RUVBL1: variants seen among roughly 807,000 people sequenced by gnomAD.
RUVBL1 encodes the protein RuvB like AAA ATPase 1.
Under a neutral mutation model 52.4 loss-of-function variants are expected in RUVBL1, and 4 were observed. The observed-to-expected ratio is 0.08, with a 90% CI of 0.04 to 0.17. The LOEUF is 0.17. Ranked by LOEUF, RUVBL1 falls within the 10% of genes least tolerant of loss-of-function variation. The probability of loss-of-function intolerance (pLI) is 1.00; values close to 1 mark genes in which losing one functional copy is unlikely to be tolerated. For missense variants in RUVBL1, 298 were observed against 572.8 expected (o/e 0.52, Z 4.90); for synonymous variants, 217 against 214.4 (o/e 1.01, Z -0.10).
chr3:128,115,741 A>T (rs1016700411), intron 2 of RUVBL1, among the ~76,000 whole-genome samples: 1 of 152,258 alleles, frequency 6.6e-6, no homozygotes, highest in African/African-American at 2.4e-5. Flanking sequence ...AAATAATAAC[A>T]TTCAGAGCAG....
chr3:128,119,111 A>G (rs745791679), intron 2 of RUVBL1, among the ~76,000 whole-genome samples: 1 of 152,220 alleles, frequency 6.6e-6, no homozygotes, highest in Admixed American at 6.5e-5. Flanking sequence ...GACCCCTTCA[A>G]GGACTTCATT....
At chr3:128,065,980 G>A (rs892886999) in intron 9 of RUVBL1, among the ~76,000 whole-genome samples, 3 of 151,888 alleles carry the variant, frequency 2.0e-5, no homozygotes, top group African/African-American at 4.8e-5. Context: ...CTGACCTCGT[G>A]ATCCGCCCGC....
chr3:128,128,043 CATACATACATAA>C (rs1198812616), upstream of RUVBL1, among the ~76,000 whole-genome samples: 55 of 151,792 alleles, frequency 3.6e-4, no homozygotes, highest in African/African-American at 1.2e-3. Context: ...TACATACATA[CATACATACATAA>C]ATACATAAAC....
Position 128,152,854 on chromosome 3 carries a change from G to C in RUVBL1, c.-40+349C>G, listed in dbSNP as rs1344765891. ...CCTGAGAGGGTTGCTGCTGCTGGCG[G>C]GGGTGGCCAGCTTTTATTCCCTTAT... On this transcript the variant is annotated intron_variant, in intron 1 of 9. Transcript: ENST00000464873. 2.8e-5 allele frequency among the ~76,000 whole-genome samples: 3 copies of C among 107,706 alleles called. No individual in the cohort carries two copies. The East Asian group carries it at 8.4e-4, about 30-fold the overall frequency. The allele number at this position is 107,706 out of a possible 152,430, so 70.7% of individuals were successfully genotyped here. A position where few individuals can be genotyped will look rare whatever the true frequency, so the allele number is the denominator to read the frequency against.
At chr3:128,075,607 T>TG (rs1942292459) in intron 9 of RUVBL1, among the ~76,000 whole-genome samples, 1 of 151,752 alleles carries the variant, frequency 6.6e-6, no homozygotes, top group Non-Finnish European at 1.5e-5. Flanking sequence ...CGCACTTTCG[T>TG]CGCGACTTCC....
At position 128,098,949 on chromosome 3, in the gene RUVBL1, C is replaced by T; in HGVS notation, c.754-4G>A. Reference sequence around the variant, plus strand: ...TGGACAGGATATCTTGTCCCCCCTGCATAAGAGAAGACTTAGAGTCAGTGC... The same window carrying T: ...TGGACAGGATATCTTGTCCCCCCTGTATAAGAGAAGACTTAGAGTCAGTGC... On this transcript the variant is annotated splice_region_variant and splice_polypyrimidine_tract_variant and intron_variant, in intron 6 of 10. Transcript: ENST00000322623. 6.2e-7 allele frequency: 1 copy of T among 1,613,466 alleles called. No homozygotes were observed. Among genetic ancestry groups the T allele is most frequent in the Non-Finnish European group, 8.5e-7 (1 of 1,179,476 alleles).
intron 1 of RUVBL1, among the ~76,000 whole-genome samples, chr3:128,136,623 CA>C (rs56097921): frequency 6.7e-4 from 75 of 112,178 alleles, no homozygotes; most frequent in South Asian, 2.5e-3. Context: ...GAGACCCTGT[CA>C]AAAAAAAAAA....
downstream of RUVBL1, chr3:128,075,928 C>G (rs539345619): frequency 6.6e-6 from 1 of 152,580 alleles, no homozygotes; most frequent in Admixed American, 6.5e-5. Flanking sequence ...GGGCCCCCCC[C>G]TTCCCCTCGT....
chr3:128,139,717 G>C (rs1576488406), intron 1 of RUVBL1, among the ~76,000 whole-genome samples: 1 of 152,156 alleles, frequency 6.6e-6, no homozygotes, highest in African/African-American at 2.4e-5. Context: ...CCTGTCACTT[G>C]CAACAACATG....
Position 128,067,311 on chromosome 3 carries a change from T to C in RUVBL1, c.940-2091A>G. 3.0e-6 allele frequency: 4 copies of C among 1,328,868 alleles called. No individual in the cohort carries two copies. The highest frequency in any genetic ancestry group is 4.2e-6 in the Non-Finnish European group (4 of 957,802). The allele number at this position is 1,328,868 out of a possible 1,614,324, so 82.3% of individuals were successfully genotyped here. A position where few individuals can be genotyped will look rare whatever the true frequency, so the allele number is the denominator to read the frequency against. The stretch of plus-strand genomic sequence containing the variant: ...TATCTTTTCAGTAAAAAAATTGTAC[T>C]GTGGGCACCGAGTAAAATTGCATTC... On this transcript the variant is annotated intron_variant, in intron 9 of 9. Transcript: ENST00000464873. This position sits in a 1 kb window ranked among gnomAD's most constrained non-coding sequence, Gnocchi z 4.1.
At chr3:128,077,801 G>A (rs1018480163), downstream of RUVBL1, among the ~76,000 whole-genome samples, 1 of 152,238 alleles carries the variant, frequency 6.6e-6, no homozygotes. Flanking sequence ...GAGGGGCAGG[G>A]CCTAGCAGGC....
downstream of RUVBL1, among the ~76,000 whole-genome samples, chr3:128,080,509 G>C (rs1371085309): frequency 2.0e-5 from 3 of 152,204 alleles, no homozygotes; most frequent in African/African-American, 7.2e-5. Context: ...CATGTTGCTA[G>C]CATGTGATGA....
At chr3:128,131,556 T>C (rs149298500) in intron 1 of RUVBL1, among the ~76,000 whole-genome samples, 37 of 152,208 alleles carry the variant, frequency 2.4e-4, no homozygotes, top group South Asian at 4.1e-4. Flanking sequence ...ATCAAGATCC[T>C]GTATGAATAT....
At chr3:128,147,358 C>T (rs1944121200) in intron 1 of RUVBL1, among the ~76,000 whole-genome samples, 1 of 152,144 alleles carries the variant, frequency 6.6e-6, no homozygotes, top group African/African-American at 2.4e-5. Context: ...GCATGAGCCA[C>T]CACATCCTGC....
At position 128,081,444 on chromosome 3, in the gene RUVBL1, TG is replaced by T. The variant is rs1942472199; in HGVS notation, c.1212-36del. On this transcript the variant is annotated intron_variant, in intron 10 of 10. Transcript: ENST00000322623. The surrounding 1 kb of genome is among the most constrained non-coding windows in gnomAD (Gnocchi z 4.8). ...ACAGGGGCCAGGGCTGGAGTGAAACTGGGGCCACCGAAGAAAGCACCTTCCC... is the reference window on the plus strand; with the variant it reads ...ACAGGGGCCAGGGCTGGAGTGAAACTGGGCCACCGAAGAAAGCACCTTCCC... The T allele has an allele frequency of 6.3e-7, 1 of 1,587,420 alleles. No individual in the cohort carries two copies. The highest frequency in any genetic ancestry group is 1.7e-5 in the Admixed American group (1 of 57,754).
chr3:128,065,732 A>ATTTTTTTTTT (rs758640768), intron 9 of RUVBL1, among the ~76,000 whole-genome samples: 10 of 97,528 alleles, frequency 1.0e-4, no homozygotes, highest in Non-Finnish European at 1.3e-4. Flanking sequence ...ATCATTAAGA[A>ATTTTTTTTTT]TTTTTTTTTT....
intron 1 of RUVBL1, among the ~76,000 whole-genome samples, chr3:128,139,813 T>C (rs965488183): frequency 2.0e-5 from 3 of 152,134 alleles, no homozygotes; most frequent in Non-Finnish European, 4.4e-5. Flanking sequence ...TTGTCGACAC[T>C]AAAAATTAAA....
Position 128,130,614 on chromosome 3 carries a change from ATTTT to A in RUVBL1, c.-39-11204_-39-11201del, listed in dbSNP as rs1458993998. Among the ~76,000 whole-genome samples the A allele has an allele frequency of 6.4e-4, 67 of 105,370 alleles. 2 individuals are homozygous for A. The highest frequency in any genetic ancestry group is 4.1e-3 in the Middle Eastern group (1 of 246). 69.1% of individuals were successfully genotyped at this position (105,370 alleles called of 152,430 possible). A position where few individuals can be genotyped will look rare whatever the true frequency, so the allele number is the denominator to read the frequency against. On this transcript the variant is annotated intron_variant, in intron 1 of 9. Transcript: ENST00000464873. ...TCTCTACAAAAAAAAAAAAAAAAAAATTTTATTTATTTATGTATTTATTTATTTA... is the reference window on the plus strand; with the variant it reads ...TCTCTACAAAAAAAAAAAAAAAAAAAATTTATTTATGTATTTATTTATTTA...
intron 2 of RUVBL1, among the ~76,000 whole-genome samples, chr3:128,113,546 C>T (rs1943446009): frequency 6.6e-6 from 1 of 152,178 alleles, no homozygotes; most frequent in Admixed American, 6.5e-5. Context: ...TATGCACATC[C>T]TCCTGTTACT....
Sources: gnomAD v4.1 joint callset for allele counts (sites outside exome capture counted in the v4.1 genomes callset) on GRCh38, gnomAD v4.1.1 for gene constraint, Gnocchi (gnomAD v3.1) non-coding constraint, MANE v1.5 for transcripts, NCBI Gene and HGNC (gene_info 2026-07-23, HGNC 2026-07-21) for gene names.